The following CELF2 variants were observed in gnomAD, a reference collection of about 807,000 sequenced individuals.
The protein encoded by CELF2 is CUGBP Elav-like family member 2.
CELF2 carries 8 observed loss-of-function variants against 62.6 expected under a neutral mutation model. That is an observed-to-expected ratio of 0.13 (90% CI 0.07 to 0.23). CELF2 has a LOEUF of 0.23. CELF2 is among the 10% of genes least tolerant of loss of function. CELF2 has a pLI of 1.00. For synonymous variants in CELF2, 258 were observed against 250.0 expected (o/e 1.03, Z -0.30); for missense variants, 333 against 671.0 (o/e 0.50, Z 5.56).
chr10:10,932,853 A>G (rs747141502), intron 2 of CELF2, among the ~76,000 whole-genome samples: 1 of 152,212 alleles, frequency 6.6e-6, no homozygotes, highest in African/African-American at 2.4e-5. Context: ...AGCAAAGTGC[A>G]AGGAATGTAG....
intron 1 of CELF2, among the ~76,000 whole-genome samples, chr10:10,863,045 A>G (rs1014366691): frequency 6.6e-6 from 1 of 152,204 alleles, no homozygotes; most frequent in Non-Finnish European, 1.5e-5. Flanking sequence ...CAGTTGAAGA[A>G]CCAAAAAATG....
the CELF2 span, among the ~76,000 whole-genome samples, chr10:10,493,296 A>G: frequency 2.6e-5 from 4 of 152,130 alleles, no homozygotes; most frequent in African/African-American, 9.7e-5. Flanking sequence ...ATGGATGGCT[A>G]TGGGCGAATA....
At chr10:11,094,638 C>A (rs1305867375) in intron 1 of CELF2, among the ~76,000 whole-genome samples, 1 of 152,108 alleles carries the variant, frequency 6.6e-6, no homozygotes, top group Admixed American at 6.5e-5. Context: ...TTAAATACAT[C>A]GGCTGATTTA....
the CELF2 span, among the ~76,000 whole-genome samples, chr10:10,526,797 T>G: frequency 6.6e-6 from 1 of 152,214 alleles, no homozygotes; most frequent in East Asian, 1.9e-4. Flanking sequence ...TAATGGCACT[T>G]AAAATGGCTG....
chr10:10,522,216 G>A, the CELF2 span, among the ~76,000 whole-genome samples: 1 of 152,178 alleles, frequency 6.6e-6, no homozygotes, highest in Non-Finnish European at 1.5e-5. Flanking sequence ...ATTCTATGGA[G>A]TAATTCTTCC....
intron 1 of CELF2, among the ~76,000 whole-genome samples, chr10:11,056,916 G>C (rs2065379062): frequency 6.6e-6 from 1 of 152,222 alleles, no homozygotes; most frequent in Non-Finnish European, 1.5e-5. Flanking sequence ...AGGCCCACAG[G>C]AGGAAAATCC....
At chr10:10,728,282 T>TAA in the CELF2 span, among the ~76,000 whole-genome samples, 1 of 140,168 alleles carries the variant, frequency 7.1e-6, no homozygotes, top group East Asian at 2.0e-4. Flanking sequence ...CTACTAAAAT[T>TAA]AAAAAAAAAA....
At chr10:10,872,080 C>A (rs1037409724) in intron 1 of CELF2, among the ~76,000 whole-genome samples, 11 of 152,130 alleles carry the variant, frequency 7.2e-5, no homozygotes, top group African/African-American at 2.7e-4. Flanking sequence ...TGAAATATTT[C>A]CTTTGGAAAG....
chr10:10,505,093 A>G, the CELF2 span, among the ~76,000 whole-genome samples: 3 of 152,112 alleles, frequency 2.0e-5, no homozygotes, highest in African/African-American at 7.2e-5. Context: ...TTTTATGATG[A>G]CTGGTTTTTT....
At chr10:10,568,453 T>A in the CELF2 span, among the ~76,000 whole-genome samples, 1 of 152,202 alleles carries the variant, frequency 6.6e-6, no homozygotes, top group African/African-American at 2.4e-5. Flanking sequence ...GCTACTTTCA[T>A]GCCACATCTG....
At chr10:11,261,333 A>AC (rs1349378963) in intron 5 of CELF2, among the ~76,000 whole-genome samples, 1 of 149,938 alleles carries the variant, frequency 6.7e-6, no homozygotes, top group East Asian at 2.0e-4. Context: ...TTGACCCAGT[A>AC]CCCCCACTGT....
At chr10:10,614,071 AGTGGAG>A in the CELF2 span, among the ~76,000 whole-genome samples, 1 of 152,148 alleles carries the variant, frequency 6.6e-6, no homozygotes, top group East Asian at 1.9e-4. Context: ...CTCCCCAGCT[AGTGGAG>A]AATTCATGAG....
the CELF2 span, among the ~76,000 whole-genome samples, chr10:10,611,330 T>C: frequency 0.44 from 66,184 of 151,960 alleles, 14,839 homozygotes; most frequent in South Asian, 0.7. Flanking sequence ...ACTTCCTTCC[T>C]TATCTTACTT....
intron 1 of CELF2, among the ~76,000 whole-genome samples, chr10:10,900,113 A>C (rs2062832178): frequency 6.6e-6 from 1 of 152,228 alleles, no homozygotes. Flanking sequence ...AGGAAACTAC[A>C]AACCAGAGCA....
At position 11,156,226 on chromosome 10, in the gene CELF2, T is replaced by C. The variant is rs2064351662; in HGVS notation, c.75-9260T>C. 6.6e-6 allele frequency among the ~76,000 whole-genome samples: 1 copy of C among 152,092 alleles called. No individual in the cohort carries two copies. The highest frequency in any genetic ancestry group is 2.1e-4 in the South Asian group (1 of 4,822). The stretch of plus-strand genomic sequence containing the variant: ...GACTCAGTAACTGACTAGTAATAGG[T>C]GTGTTGACTCTCGGATTTAATAGGA... On this transcript the variant is annotated intron_variant, in intron 1 of 12. Coordinates refer to ENST00000633077, the MANE Select transcript of CELF2 (RefSeq NM_001326342.2). The surrounding 1 kb of genome is among the most constrained non-coding windows in gnomAD (Gnocchi z 4.3).
the CELF2 span, among the ~76,000 whole-genome samples, chr10:10,757,446 T>A: frequency 3.3e-5 from 5 of 151,988 alleles, no homozygotes; most frequent in Non-Finnish European, 7.4e-5. Context: ...CTTAAAACAG[T>A]ACAATAAAAT....
intron 1 of CELF2, among the ~76,000 whole-genome samples, chr10:11,085,037 A>T (rs1324821108): frequency 1.3e-5 from 2 of 152,222 alleles, no homozygotes; most frequent in South Asian, 4.1e-4. Context: ...ATTAGTTGAT[A>T]ATACAATGAT....
At chr10:10,578,159 C>A in the CELF2 span, among the ~76,000 whole-genome samples, 1 of 152,128 alleles carries the variant, frequency 6.6e-6, no homozygotes, top group Non-Finnish European at 1.5e-5. Flanking sequence ...TAAATGTCTT[C>A]TTTTGAGAAG....
At chr10:11,080,739 C>T (rs1048575271) in intron 1 of CELF2, among the ~76,000 whole-genome samples, 10 of 152,146 alleles carry the variant, frequency 6.6e-5, no homozygotes, top group Non-Finnish European at 1.2e-4. Flanking sequence ...GTGATAAGCC[C>T]CTATTCCGGA....
Sources: allele counts gnomAD v4.1 joint callset (sites outside exome capture counted in the v4.1 genomes callset), GRCh38; gene constraint gnomAD v4.1.1; non-coding constraint Gnocchi (gnomAD v3.1); transcripts MANE v1.5; gene names NCBI Gene and HGNC (gene_info 2026-07-23, HGNC 2026-07-21).